Variants in UNC5C observed in about 807,000 individuals in gnomAD.
UNC5C encodes the protein netrin receptor UNC5C.
Under a neutral mutation model 99.8 loss-of-function variants are expected in UNC5C, and 47 were observed. That is an observed-to-expected ratio of 0.47 (90% CI 0.37 to 0.60). UNC5C has a LOEUF of 0.60. Ranked by LOEUF, UNC5C falls within the 20% of genes least tolerant of loss-of-function variation. The probability of loss-of-function intolerance (pLI) is 0.00; values close to 1 mark genes in which losing one functional copy is unlikely to be tolerated. For synonymous variants in UNC5C, 487 were observed against 452.2 expected (o/e 1.08, Z -0.98); for missense variants, 1,062 against 1,165.9 (o/e 0.91, Z 1.30).
Position 95,206,035 on chromosome 4 carries a change from C to T in UNC5C, c.1902+593G>A, listed in dbSNP as rs917941334. On this transcript the variant is annotated intron_variant, in intron 11 of 15. Coordinates refer to ENST00000453304, the MANE Select transcript of UNC5C (RefSeq NM_003728.4). ...TTTTTTTTTGAGATGGAATCTTACTCTGTTGCCCAAGCTGGAGTGCAGTGG... is the reference window on the plus strand; with the variant it reads ...TTTTTTTTTGAGATGGAATCTTACTTTGTTGCCCAAGCTGGAGTGCAGTGG... 1.1e-4 allele frequency among the ~76,000 whole-genome samples: 17 copies of T among 148,864 alleles called. 1 individual carries two copies. In the South Asian group the frequency reaches 3.6e-3, roughly 32 times the overall value.
intron 1 of UNC5C, among the ~76,000 whole-genome samples, chr4:95,389,023 G>T (rs748196719): frequency 2.0e-5 from 3 of 152,072 alleles, no homozygotes; most frequent in Non-Finnish European, 4.4e-5. Flanking sequence ...TACAGGAAAT[G>T]CTGCAAAAAG....
chr4:95,498,343 T>C (rs554232677), intron 1 of UNC5C, among the ~76,000 whole-genome samples: 1 of 152,102 alleles, frequency 6.6e-6, no homozygotes, highest in East Asian at 1.9e-4. Flanking sequence ...TAGTATTAAT[T>C]ATTTTAGCAA....
intron 3 of UNC5C, among the ~76,000 whole-genome samples, chr4:95,300,070 G>C (rs1741812911): frequency 6.6e-6 from 1 of 152,186 alleles, no homozygotes; most frequent in Non-Finnish European, 1.5e-5. Context: ...AGAGCTAAGT[G>C]ATATTGGCAT....
intron 12 of UNC5C, among the ~76,000 whole-genome samples, chr4:95,186,048 C>CCAA (rs1201164117): frequency 6.6e-6 from 1 of 152,106 alleles, no homozygotes; most frequent in Non-Finnish European, 1.5e-5. Context: ...TGAAGCATTT[C>CCAA]CAACTGCAGC....
Position 95,301,761 on chromosome 4 carries a change from AAAAG to A in UNC5C, c.347-16_347-13del, listed in dbSNP as rs1352963678. ...CCGGACAATGAGACCTGACAAGAGA[AAAAG>A]AAAGATTTAAGTCAACACAAGATTC... On this transcript the variant is annotated splice_polypyrimidine_tract_variant and intron_variant, in intron 2 of 15. Transcript: ENST00000453304. 1 of 1,611,566 alleles carries A rather than the reference AAAAG, an allele frequency of 6.2e-7. No homozygotes were observed.
chr4:95,193,455 A>G (rs1186810371), intron 12 of UNC5C, among the ~76,000 whole-genome samples: 1 of 152,214 alleles, frequency 6.6e-6, no homozygotes, highest in Non-Finnish European at 1.5e-5. Context: ...ACAGACACAA[A>G]GAACAGACCA....
Position 95,168,596 on chromosome 4 carries a change from T to C in UNC5C, c.*638A>G, listed in dbSNP as rs1735952711. 6.6e-6 allele frequency: 1 copy of C among 152,306 alleles called. No individual in the cohort carries two copies. The highest frequency in any genetic ancestry group is 1.5e-5 in the Non-Finnish European group (1 of 67,986). The allele number at this position is 152,306 out of a possible 1,614,324, so 9.4% of individuals were successfully genotyped here. ...GAAGGGTCCCTCCAAGGAATAGGAG[T>C]CTTAGTTATTTCTTTTTTACACTTA... On this transcript the variant is annotated 3_prime_UTR_variant, in exon 16 of 16. Transcript: ENST00000453304.
At position 95,169,133 on chromosome 4, in the gene UNC5C, G is replaced by A; in HGVS notation, c.*101C>T. ...CCTGCTGCAGTCTTGCCTGTGAAGT[G>A]CATTGGTCTCATCTGGATTTCCTCC... On this transcript the variant is annotated 3_prime_UTR_variant, in exon 16 of 16. Transcript: ENST00000453304. 1 of 1,458,806 alleles carries A rather than the reference G, an allele frequency of 6.9e-7. No homozygotes were observed. The highest frequency in any genetic ancestry group is 1.3e-5 in the South Asian group (1 of 78,472). The allele number at this position is 1,458,806 out of a possible 1,614,324, so 90.4% of individuals were successfully genotyped here.
chr4:95,179,220 G>A (rs1347847945), intron 14 of UNC5C, among the ~76,000 whole-genome samples: 2 of 152,142 alleles, frequency 1.3e-5, no homozygotes, highest in Non-Finnish European at 2.9e-5. Context: ...TCCTAAAGTC[G>A]CTTAGAAAAA....
In UNC5C at chr4:95,325,523, G is replaced by C. The variant is rs145939615; in HGVS notation, c.346+9887C>G. Among the ~76,000 whole-genome samples, 1,156 of 152,198 alleles carry C rather than the reference G, an allele frequency of 7.6e-3. 16 individuals carry two copies. Among genetic ancestry groups the C allele is most frequent in the African/African-American group, 0.026 (1,097 of 41,538 alleles). On this transcript the variant is annotated intron_variant, in intron 2 of 15. Coordinates refer to ENST00000453304, the MANE Select transcript of UNC5C (RefSeq NM_003728.4). ...CTGAGATTTTAATTTTTGGTGCCTG[G>C]ATGGAGAGAAGAGGTATCTGAAACA...
At chr4:95,444,622 C>T (rs978617559) in intron 1 of UNC5C, among the ~76,000 whole-genome samples, 2 of 152,192 alleles carry the variant, frequency 1.3e-5, no homozygotes, top group Non-Finnish European at 2.9e-5. Flanking sequence ...TGAGGCACCG[C>T]GCCGGGCCTG....
At chr4:95,246,299 G>C (rs914353163) in intron 5 of UNC5C, among the ~76,000 whole-genome samples, 1 of 151,780 alleles carries the variant, frequency 6.6e-6, no homozygotes, top group Non-Finnish European at 1.5e-5. Flanking sequence ...GCTCATGCTT[G>C]TAACCCAAGC....
rs577684904 is a variant in UNC5C at position 95,335,202 on chromosome 4, A to G, written c.346+208T>C. Among the ~76,000 whole-genome samples, 24 of 152,090 alleles carry G rather than the reference A, an allele frequency of 1.6e-4. 1 individual carries two copies. The South Asian group carries it at 5.0e-3, about 32-fold the overall frequency. ...CCATGTTTTAATTTCATGTAGTCCA[A>G]CAGGAAGCAAGTCAAGATTTATTCA... On this transcript the variant is annotated intron_variant, in intron 2 of 15. Transcript: ENST00000453304.
At position 95,545,753 on chromosome 4, in the gene UNC5C, C is replaced by T. The variant is rs111311052; in HGVS notation, c.124+2981G>A. ...TCCTAATTCAGAAGCACACTGATCT[C>T]ACACACACGCGCGCGCGCGCACACA... On this transcript the variant is annotated intron_variant, in intron 1 of 15. Coordinates refer to ENST00000453304, the MANE Select transcript of UNC5C (RefSeq NM_003728.4). Among the ~76,000 whole-genome samples the T allele has an allele frequency of 9.6e-3, 1,352 of 140,108 alleles. 18 individuals are homozygous for T. The highest frequency in any genetic ancestry group is 0.04 in the African/African-American group (1,304 of 32,464). The allele number at this position is 140,108 out of a possible 152,430, so 91.9% of individuals were successfully genotyped here. A position where few individuals can be genotyped will look rare whatever the true frequency, so the allele number is the denominator to read the frequency against.
chr4:95,249,164 A>C (rs189175802), intron 5 of UNC5C, among the ~76,000 whole-genome samples: 2 of 152,212 alleles, frequency 1.3e-5, no homozygotes, highest in Non-Finnish European at 1.5e-5. Context: ...CTATGTGTGC[A>C]GTAGGCTATA....
chr4:95,413,054 G>A (rs1270415862), intron 1 of UNC5C, among the ~76,000 whole-genome samples: 1 of 152,120 alleles, frequency 6.6e-6, no homozygotes, highest in Non-Finnish European at 1.5e-5. Context: ...ATATTGGTAA[G>A]CAAAGAATGA....
intron 2 of UNC5C, among the ~76,000 whole-genome samples, chr4:95,326,022 C>A (rs1362801471): frequency 6.6e-6 from 1 of 152,114 alleles, no homozygotes; most frequent in Non-Finnish European, 1.5e-5. Flanking sequence ...GTTTTGGAAG[C>A]AGAGAGCTCT....
chr4:95,401,931 A>T (rs1416218209), intron 1 of UNC5C, among the ~76,000 whole-genome samples: 1 of 152,216 alleles, frequency 6.6e-6, no homozygotes, highest in Non-Finnish European at 1.5e-5. Flanking sequence ...TGTGTCAAGG[A>T]TGCCTTTTCG....
intron 1 of UNC5C, among the ~76,000 whole-genome samples, chr4:95,546,900 T>C (rs1253496975): frequency 6.6e-6 from 1 of 152,154 alleles, no homozygotes; most frequent in South Asian, 2.1e-4. Flanking sequence ...ACTTGTCTTT[T>C]TCCCAAACAG....
Sources: gnomAD v4.1 joint callset for allele counts (sites outside exome capture counted in the v4.1 genomes callset) on GRCh38, gnomAD v4.1.1 for gene constraint, MANE v1.5 for transcripts, NCBI Gene and HGNC (gene_info 2026-07-23, HGNC 2026-07-21) for gene names.